The following NLRC4 variants were observed in gnomAD, a reference collection of about 807,000 sequenced individuals.
NLRC4 encodes NLR family CARD domain-containing protein 4.
Under a neutral mutation model 79.9 loss-of-function variants are expected in NLRC4, and 63 were observed. The ratio of observed to expected loss-of-function variants is 0.79; its 90% CI spans 0.64 to 0.97. The LOEUF is 0.97. Ranked by LOEUF, NLRC4 falls within the 50% of genes least tolerant of loss-of-function variation. The probability of loss-of-function intolerance (pLI) is 0.00; values close to 1 mark genes in which losing one functional copy is unlikely to be tolerated. For missense variants in NLRC4, 1,074 were observed against 1,215.2 expected, an observed-to-expected ratio of 0.88 and a Z score of 1.73; for synonymous variants, 461 against 456.5, an observed-to-expected ratio of 1.01 and a Z score of -0.12.
chr2:32,244,412 G>A (rs1246049734), intron 4 of NLRC4, among the ~76,000 whole-genome samples: 1 of 151,330 alleles, frequency 6.6e-6, no homozygotes, highest in Non-Finnish European at 1.5e-5. Flanking sequence ...ACACCTACAA[G>A]AAAACTACAT....
Position 32,252,374 on chromosome 2 carries a change from T to A in NLRC4, c.262+45A>T, listed in dbSNP as rs780558816. 4 of 1,440,568 alleles carry A rather than the reference T, an allele frequency of 2.8e-6. No homozygotes were observed. In the Admixed American group the frequency reaches 6.8e-5, roughly 24 times the overall value. 89.2% of individuals were successfully genotyped at this position (1,440,568 alleles called of 1,614,324 possible). On this transcript the variant is annotated intron_variant, in intron 3 of 8. Transcript: ENST00000402280. Reference sequence around the variant, plus strand: ...TGGGGAAGATGGATCTTTGTTGTGGTCTATTCTACTTGCAGAAACAGATGC... The same window carrying A: ...TGGGGAAGATGGATCTTTGTTGTGGACTATTCTACTTGCAGAAACAGATGC...
chr2:32,246,339 TG>T (rs202023836), intron 4 of NLRC4, among the ~76,000 whole-genome samples: 3,237 of 152,350 alleles, frequency 0.021, 42 homozygotes, highest in Non-Finnish European at 0.027. Context: ...GTGAGCTTCC[TG>T]ACACAGAAGG....
chr2:32,263,191 G>A (rs1157643775), intron 1 of NLRC4, among the ~76,000 whole-genome samples: 1 of 152,142 alleles, frequency 6.6e-6, no homozygotes, highest in Non-Finnish European at 1.5e-5. Flanking sequence ...CAGACAGGAA[G>A]CACACAGAAA....
chr2:32,234,164 G>A (rs765362501), intron 8 of NLRC4, among the ~76,000 whole-genome samples: 5 of 152,050 alleles, frequency 3.3e-5, no homozygotes, highest in Non-Finnish European at 5.9e-5. Flanking sequence ...GGCGGATCAC[G>A]AGGTCAAGAG....
rs994496482 is a variant in NLRC4 at position 32,252,571 on chromosome 2, T to G, written c.110A>C (p.Glu37Ala). The G allele has an allele frequency of 1.9e-6, 3 of 1,614,110 alleles. No homozygotes were observed. Among genetic ancestry groups the G allele is most frequent in the Non-Finnish European group, 2.5e-6 (3 of 1,180,036 alleles). Reference protein sequence around the residue: ...LFVWNVLNREEVNIICCEKVE... With the variant: ...LFVWNVLNREAVNIICCEKVE... ...CTTCTCGCAGCAAATGATGTTTACTTCTTCGCGATTCAGAACATTCCATAC... is the reference window on the plus strand; with the variant it reads ...CTTCTCGCAGCAAATGATGTTTACTGCTTCGCGATTCAGAACATTCCATAC... Residue 37 changes from glutamate to alanine, a missense_variant, in exon 3 of 9, where the codon GAA becomes GCA. Glu to Ala is a moderately radical substitution (Grantham distance 107, BLOSUM62 -1). Transcript: ENST00000402280.
At position 32,257,948 on chromosome 2, in the gene NLRC4, C is replaced by T. The variant is rs77690747; in HGVS notation, c.-118-1055G>A. On this transcript the variant is annotated intron_variant, in intron 1 of 8. Coordinates refer to ENST00000402280, the MANE Select transcript of NLRC4 (RefSeq NM_001199138.2). The stretch of plus-strand genomic sequence containing the variant: ...TTTTAGTTCAGCTGTCCGTAGGCGT[C>T]TTGTATTAGCTCAATGGGACCCCTG... Among the ~76,000 whole-genome samples the T allele has an allele frequency of 4.7e-3, 717 of 152,172 alleles. 9 individuals carry two copies. Among genetic ancestry groups the T allele is most frequent in the African/African-American group, 0.017 (689 of 41,506 alleles).
chr2:32,224,962 T>A (rs1469845628), intron 8 of NLRC4, among the ~76,000 whole-genome samples, 197 bp from the exon 9 acceptor site: 1 of 152,162 alleles, frequency 6.6e-6, no homozygotes, highest in East Asian at 1.9e-4. Context: ...GTCTATTATA[T>A]TTTCCTAGAG....
chr2:32,228,312 A>G (rs1463880268), intron 8 of NLRC4, among the ~76,000 whole-genome samples: 1 of 152,144 alleles, frequency 6.6e-6, no homozygotes, highest in African/African-American at 2.4e-5. Flanking sequence ...GATTCTTAGG[A>G]GAAATGGAAC....
intron 8 of NLRC4, among the ~76,000 whole-genome samples, chr2:32,226,667 G>C (rs1157285012): frequency 6.6e-6 from 1 of 152,168 alleles, no homozygotes; most frequent in Non-Finnish European, 1.5e-5. Flanking sequence ...GATCACCTGA[G>C]GTCAGGAGTT....
At chr2:32,260,328 G>C (rs1040716263) in intron 1 of NLRC4, among the ~76,000 whole-genome samples, 1 of 150,212 alleles carries the variant, frequency 6.7e-6, no homozygotes, top group African/African-American at 2.4e-5. Context: ...ACAGAACAAT[G>C]AATACTTTTG....
chr2:32,227,868 T>A (rs1382403914), intron 8 of NLRC4, among the ~76,000 whole-genome samples: 1 of 152,106 alleles, frequency 6.6e-6, no homozygotes, highest in Non-Finnish European at 1.5e-5. Flanking sequence ...CCATAGGCTG[T>A]ATGTGGGCTG....
chr2:32,236,279 T>G lies in NLRC4; in HGVS notation c.2582A>C (p.Glu861Ala), dbSNP rs761293910. Residue 861 changes from glutamate to alanine, a missense_variant, in exon 7 of 9, where the codon GAA becomes GCA. Physicochemically the swap from Glu to Ala is moderately radical, Grantham distance 107. Transcript: ENST00000402280. ...SILDLSENYLEKDGNEALHEL... is the reference protein window; with the variant it reads ...SILDLSENYLAKDGNEALHEL... ...ATGAAGAGCTTCATTTCCATCTTTTTCCAGGTAATTTTCTGATAAATCAAG... is the reference window on the plus strand; with the variant it reads ...ATGAAGAGCTTCATTTCCATCTTTTGCCAGGTAATTTTCTGATAAATCAAG... 1.9e-6 allele frequency: 3 copies of G among 1,612,068 alleles called. No homozygotes were observed. The highest frequency in any genetic ancestry group is 3.3e-5 in the Admixed American group (2 of 59,826).
rs767195061 is a variant in NLRC4 at position 32,249,864 on chromosome 2, C to T, written c.2000G>A (p.Arg667Gln). ...QEFRTLEVTL[R>Q]DFSKLNKQDI... ...TTGCTTATTCAACTTGCTGAAATCC[C>T]GGAGTGTGACCTCCAGAGTCCTGAA... Residue 667 changes from arginine to glutamine, a missense_variant, in exon 4 of 9, where the codon CGG (arginine) becomes CAG (glutamine). Transcript: ENST00000402280. 3.1e-6 allele frequency: 5 copies of T among 1,614,064 alleles called. No individual in the cohort carries two copies. The highest frequency in any genetic ancestry group is 4.5e-5 in the East Asian group (2 of 44,898).
chr2:32,260,256 GTTTATTTATCTA>G (rs1687313276), intron 1 of NLRC4, among the ~76,000 whole-genome samples: 1 of 147,704 alleles, frequency 6.8e-6, no homozygotes, highest in South Asian at 2.2e-4. Context: ...AAAAACTAGA[GTTTATTTATCTA>G]TTCTCCTGTT....
rs140557163 is a variant in NLRC4, at chr2:32,251,042, C to G, written c.822G>C (p.Met274Ile). ...LIKENHRFKNMVIVTTTTECL... is the reference protein window; with the variant it reads ...LIKENHRFKNIVIVTTTTECL... ...ACTCAGTGGTAGTGGTGACGATGAC[C>G]ATGTTCTTGAAGCGGTGGTTTTCCT... Residue 274 changes from methionine (M) to isoleucine (I), a missense_variant, in exon 4 of 9, where the codon ATG becomes ATC. Transcript: ENST00000402280. The G allele has an allele frequency of 3.3e-5, 53 of 1,614,152 alleles. No homozygotes were observed. The African/African-American group carries it at 7.1e-4, about 22-fold the overall frequency.
chr2:32,230,332 C>T (rs988548099), intron 8 of NLRC4, among the ~76,000 whole-genome samples: 2 of 152,092 alleles, frequency 1.3e-5, no homozygotes, highest in African/African-American at 4.8e-5. Context: ...TGTGTTTATT[C>T]ACTGTTTTTT....
chr2:32,257,001 G>A, intron 1 of NLRC4, 108 bp from the exon 2 acceptor site: 1 of 490,200 alleles, frequency 2.0e-6, no homozygotes, highest in Non-Finnish European at 3.7e-6. Flanking sequence ...ACCCAAACCA[G>A]AAAAAAACTC....
intron 2 of NLRC4, among the ~76,000 whole-genome samples, chr2:32,254,818 A>T (rs1434149325): frequency 6.6e-6 from 1 of 151,654 alleles, no homozygotes; most frequent in East Asian, 1.9e-4. Flanking sequence ...AGATTTCTCT[A>T]TGTTGGTCAG....
chr2:32,238,305 GA>G lies in NLRC4; in HGVS notation c.2351-4del. The G allele has an allele frequency of 6.2e-7, 1 of 1,607,042 alleles. No homozygotes were observed. The highest frequency in any genetic ancestry group is 1.7e-5 in the Admixed American group (1 of 58,434). ...CTTCAGGTTTTTCAGGCCTTCAGCT[GA>G]AAAATGATAGAAAGGAATGCATTAG... On this transcript the variant is annotated splice_polypyrimidine_tract_variant and splice_region_variant and intron_variant, in intron 5 of 8. Transcript: ENST00000402280.
Sources: allele counts gnomAD v4.1 joint callset (sites outside exome capture counted in the v4.1 genomes callset), GRCh38; gene constraint gnomAD v4.1.1; transcripts MANE v1.5; gene names NCBI Gene and HGNC (gene_info 2026-07-23, HGNC 2026-07-21).